The following TAOK1 variants were observed in gnomAD, a reference collection of about 807,000 sequenced individuals.
TAOK1 encodes the protein TAO kinase 1, also known as serine/threonine-protein kinase TAO1.
TAOK1 carries 21 observed loss-of-function variants against 138.3 expected under a neutral mutation model. That is an observed-to-expected ratio of 0.15 (90% CI 0.11 to 0.22). The LOEUF (loss-of-function observed/expected upper bound fraction) is 0.22. Among genes scored for constraint, TAOK1 ranks in the 10% least tolerant of loss-of-function variants. The pLI, the probability that TAOK1 is intolerant of heterozygous loss-of-function variation, is 1.00. For missense variants in TAOK1, 651 were observed against 1,227.7 expected (o/e 0.53, Z 7.02); for synonymous variants, 361 against 398.4 (o/e 0.91, Z 1.12).
chr17:29,436,995 C>G (rs1906050127), intron 1 of TAOK1, among the ~76,000 whole-genome samples: 1 of 152,108 alleles, frequency 6.6e-6, no homozygotes, highest in Non-Finnish European at 1.5e-5. Context: ...TTTGAGATTA[C>G]TGCAAGTTAC....
intron 1 of TAOK1, among the ~76,000 whole-genome samples, chr17:29,425,361 C>T (rs1905602352): frequency 6.6e-6 from 1 of 152,058 alleles, no homozygotes; most frequent in Admixed American, 6.5e-5. Flanking sequence ...GTGGGAGCCA[C>T]TGTGTCCGGC....
At chr17:29,492,008 C>T in intron 10 of TAOK1, 143 bp downstream of exon 10, 1 of 589,438 alleles carries the variant, frequency 1.7e-6, no homozygotes. Context: ...CCTCAGCCTC[C>T]CAAGTAGCCG....
chr17:29,512,371 T>TG (rs1401327961), intron 15 of TAOK1: 2 of 141,402 alleles, frequency 1.4e-5, no homozygotes, highest in Non-Finnish European at 3.2e-5. Context: ...TTGTGCTGCT[T>TG]TTTGTTTGTT....
At chr17:29,452,354 G>A (rs2153024321) in intron 2 of TAOK1, among the ~76,000 whole-genome samples, 1 of 152,154 alleles carries the variant, frequency 6.6e-6, no homozygotes, top group South Asian at 2.1e-4. Flanking sequence ...CATTGCTATA[G>A]AGTTAAATAC....
rs1043527617 is a variant in TAOK1, at chr17:29,548,505, C to T, written c.*5483C>T. On this transcript the variant is annotated 3_prime_UTR_variant, in exon 20 of 20. Transcript: ENST00000261716. ...AGAAAAAGGTTAATCCTCACTGAAA[C>T]ACCAGGATGCCCACTGGATATACTA... 6.6e-6 allele frequency: 1 copy of T among 151,902 alleles called. No homozygotes were observed. Among genetic ancestry groups the T allele is most frequent in the African/African-American group, 2.4e-5 (1 of 41,342 alleles). 9.4% of individuals were successfully genotyped at this position (151,902 alleles called of 1,614,324 possible). A position where few individuals can be genotyped will look rare whatever the true frequency, so the allele number is the denominator to read the frequency against.
At chr17:29,516,836 T>G (rs2031825450) in intron 15 of TAOK1, among the ~76,000 whole-genome samples, 1 of 151,812 alleles carries the variant, frequency 6.6e-6, no homozygotes, top group South Asian at 2.1e-4. Flanking sequence ...TTGGTTTTTT[T>G]GTTTTGTTTT....
chr17:29,480,112 C>T (rs747298489), intron 6 of TAOK1: 4 of 250,494 alleles, frequency 1.6e-5, no homozygotes, highest in Non-Finnish European at 2.3e-5. Context: ...AAACTATGCT[C>T]CAATGAACTA....
intron 2 of TAOK1, among the ~76,000 whole-genome samples, chr17:29,459,956 T>C (rs1205119452): frequency 1.3e-5 from 2 of 152,190 alleles, no homozygotes; most frequent in African/African-American, 4.8e-5. Context: ...TCTGTAAAGA[T>C]GTGGTGTTTT....
chr17:29,517,436 GT>G lies in TAOK1; in HGVS notation c.1705-11del. ...TGCCAGGCCTATTTTTACCTGAGTTGTTTTTTATGTTGCCAGGAGCTAAATG... is the reference window on the plus strand; with the variant it reads ...TGCCAGGCCTATTTTTACCTGAGTTGTTTTTATGTTGCCAGGAGCTAAATG... On this transcript the variant is annotated splice_polypyrimidine_tract_variant and intron_variant, in intron 15 of 19. Transcript: ENST00000261716. 1 of 1,611,482 alleles carries G rather than the reference GT, an allele frequency of 6.2e-7. No homozygotes were observed. Among genetic ancestry groups the G allele is most frequent in the Non-Finnish European group, 8.5e-7 (1 of 1,179,456 alleles).
intron 1 of TAOK1, among the ~76,000 whole-genome samples, chr17:29,425,274 T>C (rs942402461): frequency 6.6e-6 from 1 of 152,168 alleles, no homozygotes; most frequent in Non-Finnish European, 1.5e-5. Flanking sequence ...GGTTTTAACA[T>C]GTTGGCCAGG....
intron 1 of TAOK1, among the ~76,000 whole-genome samples, chr17:29,427,314 G>A (rs1248451763): frequency 6.6e-6 from 1 of 152,100 alleles, no homozygotes; most frequent in Non-Finnish European, 1.5e-5. Context: ...AGAGATCTTG[G>A]CTAGGTGCGG....
rs898280733 is a variant in TAOK1, at chr17:29,550,979, T to TG, written c.*7958dup. ...TTGCTATTTACCTAAAAAAAGAAAA[T>TG]GCTTCAGTCAATTGCTTTTTTATTT... is the stretch of plus-strand genomic sequence containing the variant. On this transcript the variant is annotated 3_prime_UTR_variant, in exon 20 of 20. Transcript: ENST00000261716. 6.6e-6 allele frequency: 1 copy of TG among 151,390 alleles called. No individual in the cohort carries two copies. The highest frequency in any genetic ancestry group is 2.4e-5 in the African/African-American group (1 of 41,174). 9.4% of individuals were successfully genotyped at this position (151,390 alleles called of 1,614,324 possible).
chr17:29,433,503 C>T (rs934428005), intron 1 of TAOK1, among the ~76,000 whole-genome samples: 9 of 151,694 alleles, frequency 5.9e-5, no homozygotes, highest in Non-Finnish European at 1.2e-4. Flanking sequence ...CAGGACTTTT[C>T]CTTAGTTCAG....
chr17:29,436,632 A>G (rs1199542397), intron 1 of TAOK1, among the ~76,000 whole-genome samples: 1 of 152,218 alleles, frequency 6.6e-6, no homozygotes, highest in African/African-American at 2.4e-5. Flanking sequence ...CAGAAACACA[A>G]TTGGCAAAGA....
chr17:29,435,574 G>C (rs931907409), intron 1 of TAOK1, among the ~76,000 whole-genome samples: 1 of 152,134 alleles, frequency 6.6e-6, no homozygotes, highest in African/African-American at 2.4e-5. Context: ...GGAGCTCCTA[G>C]AACCTGTTAG....
chr17:29,523,066 C>A (rs1036441953), intron 17 of TAOK1, among the ~76,000 whole-genome samples: 1 of 121,914 alleles, frequency 8.2e-6, no homozygotes, highest in Admixed American at 8.9e-5. Context: ...CAGAGCAAGA[C>A]CCTGTCTCAA....
chr17:29,533,056 G>T (rs2032153697), intron 18 of TAOK1, among the ~76,000 whole-genome samples: 2 of 132,576 alleles, frequency 1.5e-5, no homozygotes, highest in Admixed American at 1.5e-4. Flanking sequence ...TGGCTGCCGG[G>T]CGGAGATGCT....
chr17:29,538,027 G>A (rs1313441470), intron 19 of TAOK1, among the ~76,000 whole-genome samples: 6 of 149,502 alleles, frequency 4.0e-5, no homozygotes, highest in South Asian at 4.2e-4. Flanking sequence ...CAAGGGAATC[G>A]CTTCAACCTG....
intron 1 of TAOK1, among the ~76,000 whole-genome samples, chr17:29,429,623 G>C (rs943551069): frequency 1.3e-5 from 2 of 152,078 alleles, no homozygotes; most frequent in African/African-American, 2.4e-5. Flanking sequence ...ATTTGTCAAT[G>C]CTAACAAGTT....
Sources: gnomAD v4.1 joint callset for allele counts (sites outside exome capture counted in the v4.1 genomes callset) on GRCh38, gnomAD v4.1.1 for gene constraint, MANE v1.5 for transcripts, NCBI Gene and HGNC (gene_info 2026-07-23, HGNC 2026-07-21) for gene names.